Variants in GLB1 observed in about 807,000 individuals in gnomAD.
GLB1 encodes the protein beta-galactosidase.
A neutral mutation model predicts 74.0 loss-of-function variants in GLB1; 56 were observed. The ratio of observed to expected loss-of-function variants is 0.76; its 90% CI spans 0.61 to 0.94. GLB1 has a LOEUF of 0.94. Among genes scored for constraint, GLB1 ranks in the 40% least tolerant of loss-of-function variants. GLB1 has a pLI of 0.00. For synonymous variants in GLB1, 323 were observed against 323.6 expected, an observed-to-expected ratio of 1.00 and a Z score of 0.02; for missense variants, 787 against 845.5, an observed-to-expected ratio of 0.93 and a Z score of 0.86.
chr3:33,078,934 C>CG (rs1262166733), intron 1 of GLB1, among the ~76,000 whole-genome samples: 3 of 152,026 alleles, frequency 2.0e-5, no homozygotes, highest in African/African-American at 7.2e-5. Flanking sequence ...GTCTTGAACT[C>CG]CTGGGTTCAA....
chr3:33,036,494 C>G (rs1037976120), intron 10 of GLB1, among the ~76,000 whole-genome samples: 1 of 152,016 alleles, frequency 6.6e-6, no homozygotes, highest in African/African-American at 2.4e-5. Context: ...TAAAAATAAG[C>G]CTACCAGCAA....
At chr3:32,978,979 CT>C in the GLB1 span, among the ~76,000 whole-genome samples, 165 of 111,666 alleles carry the variant, frequency 1.5e-3, no homozygotes, top group African/African-American at 4.0e-3. Flanking sequence ...TTCTTTCTTT[CT>C]TTTTTTTTTT....
intron 7 of GLB1, 146 bp from the exon 8 acceptor site, chr3:33,052,150 G>T: frequency 1.4e-6 from 2 of 1,385,990 alleles, no homozygotes; most frequent in Non-Finnish European, 2.0e-6. Flanking sequence ...CCCCCAGTGA[G>T]CACTTCCAAT....
intron 10 of GLB1, among the ~76,000 whole-genome samples, chr3:33,025,556 A>G (rs1697706796): frequency 6.6e-6 from 1 of 151,900 alleles, no homozygotes; most frequent in Non-Finnish European, 1.5e-5. Flanking sequence ...TGCTGGCAGC[A>G]TCGCCTCTTT....
chr3:33,007,925 C>T (rs937478607), intron 15 of GLB1, among the ~76,000 whole-genome samples: 6 of 152,200 alleles, frequency 3.9e-5, no homozygotes, highest in Non-Finnish European at 7.3e-5. Flanking sequence ...AGATGTGCCA[C>T]TGAGCACTTC....
downstream of GLB1, among the ~76,000 whole-genome samples, chr3:32,995,964 T>C (rs954829245): frequency 3.2e-4 from 49 of 152,202 alleles, no homozygotes; most frequent in African/African-American, 9.4e-4. Flanking sequence ...CATTTTTAAG[T>C]TATTCCTAAC....
chr3:33,015,105 G>A (rs1181970388), intron 14 of GLB1, among the ~76,000 whole-genome samples: 1 of 152,182 alleles, frequency 6.6e-6, no homozygotes, highest in African/African-American at 2.4e-5. Flanking sequence ...GCAGTAAGCC[G>A]AGATTGTGCC....
intron 1 of GLB1, among the ~76,000 whole-genome samples, chr3:33,088,414 C>T (rs1338361273): frequency 1.4e-5 from 2 of 146,894 alleles, no homozygotes; most frequent in Non-Finnish European, 3.0e-5. Context: ...CACACACAAA[C>T]TGTTAGAACT....
At chr3:33,073,587 C>T (rs1414702416) in intron 1 of GLB1, among the ~76,000 whole-genome samples, 7 of 152,082 alleles carry the variant, frequency 4.6e-5, no homozygotes, top group Admixed American at 4.6e-4. Context: ...ACTTGGGAGG[C>T]TGAGACACGA....
chr3:33,050,080 G>A (rs57633295), intron 9 of GLB1, among the ~76,000 whole-genome samples: 12,311 of 152,102 alleles, frequency 0.081, 1,157 homozygotes, highest in East Asian at 0.48. Context: ...AGAGACAGGT[G>A]GGAAATGAAG....
chr3:33,062,388 G>A (rs1010551919), intron 5 of GLB1, among the ~76,000 whole-genome samples: 4 of 152,074 alleles, frequency 2.6e-5, no homozygotes, highest in Admixed American at 2.0e-4. Flanking sequence ...GGCTGGTCTT[G>A]AACTCCTGGG....
At chr3:32,978,117 A>G in the GLB1 span, among the ~76,000 whole-genome samples, 1 of 152,216 alleles carries the variant, frequency 6.6e-6, no homozygotes, top group African/African-American at 2.4e-5. Flanking sequence ...GAGTAGAGGT[A>G]AAGTATGAAG....
At chr3:33,032,967 G>C (rs529482424) in intron 10 of GLB1, among the ~76,000 whole-genome samples, 44 of 152,286 alleles carry the variant, frequency 2.9e-4, no homozygotes, top group African/African-American at 1.0e-3. Context: ...TCCTTTGGGA[G>C]GTTTTACAGG....
intron 5 of GLB1, among the ~76,000 whole-genome samples, chr3:33,059,859 A>G (rs570177286): frequency 6.6e-6 from 1 of 152,352 alleles, no homozygotes; most frequent in Admixed American, 6.5e-5. Context: ...ATACAAAAAT[A>G]TTTGTGATCC....
At chr3:32,979,862 A>G in the GLB1 span, among the ~76,000 whole-genome samples, 1 of 148,586 alleles carries the variant, frequency 6.7e-6, no homozygotes. Flanking sequence ...AAAAAAAAAA[A>G]AAAAAAAAAA....
chr3:33,031,904 T>C (rs1559391481), intron 10 of GLB1, among the ~76,000 whole-genome samples: 1 of 151,830 alleles, frequency 6.6e-6, no homozygotes, highest in Non-Finnish European at 1.5e-5. Flanking sequence ...TTCAAGCGAT[T>C]CTCCTGCCTC....
intron 5 of GLB1, among the ~76,000 whole-genome samples, chr3:33,059,254 C>T (rs202126595): frequency 0.17 from 15,450 of 89,096 alleles, 989 homozygotes; most frequent in East Asian, 0.48. Context: ...TACACACACA[C>T]ACACACACAC....
chr3:33,006,542 G>A (rs538463226), intron 15 of GLB1, among the ~76,000 whole-genome samples: 157 of 152,156 alleles, frequency 1.0e-3, no homozygotes, highest in Non-Finnish European at 1.6e-3. Context: ...GGAGAAGAAC[G>A]CTTCCTATCT....
chr3:33,014,212 G>GC lies in GLB1; in HGVS notation c.1577dup (p.Trp527LeufsTer5), dbSNP rs794729217. On this transcript the variant is annotated frameshift_variant, in exon 15 of 16. Transcript: ENST00000307363. LOFTEE classifies it high-confidence loss of function. ...GGTGGCCACTGTCACGGTGTCCCCA[G>GC]CCCCCCAGGTGGCTGCACACTGCAT... The GC allele has an allele frequency of 6.8e-6, 11 of 1,614,038 alleles. No individual in the cohort carries two copies. Among genetic ancestry groups the GC allele is most frequent in the South Asian group, 4.4e-5 (4 of 91,084 alleles).
Sources: allele counts gnomAD v4.1 joint callset (sites outside exome capture counted in the v4.1 genomes callset), GRCh38; gene constraint gnomAD v4.1.1; transcripts MANE v1.5; gene names NCBI Gene and HGNC (gene_info 2026-07-23, HGNC 2026-07-21).